The following CEP126 variants were observed in gnomAD, a reference collection of about 807,000 sequenced individuals.
CEP126 encodes the protein centrosomal protein of 126 kDa.
A neutral mutation model predicts 107.8 loss-of-function variants in CEP126; 74 were observed. The ratio of observed to expected loss-of-function variants is 0.69; its 90% CI spans 0.57 to 0.83. The LOEUF (loss-of-function observed/expected upper bound fraction) is 0.83. CEP126 is among the 40% of genes least tolerant of loss of function. CEP126 has a pLI of 0.00. For synonymous variants in CEP126, 449 were observed against 446.0 expected (o/e 1.01, Z -0.08); for missense variants, 1,237 against 1,281.9 (o/e 0.96, Z 0.53).
At chr11:101,939,806 A>C (rs1940640341) in intron 2 of CEP126, among the ~76,000 whole-genome samples, 5 of 152,238 alleles carry the variant, frequency 3.3e-5, no homozygotes, top group Admixed American at 2.0e-4. Flanking sequence ...TCATTATTTA[A>C]CAAATTCCCC....
chr11:101,984,970 T>C (rs1286937270), intron 8 of CEP126, among the ~76,000 whole-genome samples: 2 of 152,272 alleles, frequency 1.3e-5, no homozygotes, highest in East Asian at 3.8e-4. Flanking sequence ...GTGATGTTAC[T>C]GTGGTGCTTA....
intron 1 of CEP126, among the ~76,000 whole-genome samples, chr11:101,916,838 A>G (rs1421499443): frequency 1.3e-5 from 2 of 152,206 alleles, no homozygotes; most frequent in Non-Finnish European, 2.9e-5. Flanking sequence ...GAAAATATTC[A>G]TAAATAGAAT....
intron 2 of CEP126, among the ~76,000 whole-genome samples, chr11:101,932,978 T>A (rs188940140): frequency 6.6e-6 from 1 of 152,202 alleles, no homozygotes; most frequent in Admixed American, 6.5e-5. Context: ...GAAGTTGACA[T>A]ATGGTCAAAC....
intron 1 of CEP126, among the ~76,000 whole-genome samples, chr11:101,919,447 T>A (rs1384178806): frequency 6.6e-6 from 1 of 152,176 alleles, no homozygotes; most frequent in Non-Finnish European, 1.5e-5. Flanking sequence ...GTTTTGTTTT[T>A]TTAATGTTAA....
chr11:101,958,280 A>C lies in CEP126; in HGVS notation c.619A>C (p.Thr207Pro). ...EKEMNENMRA[T>P]LATSKNVFQL... ...AGAAATGAATGAAAACATGAGGGCA[A>C]CCTTGGCTACTAGCAAAAATGTGTT... Residue 207 changes from threonine to proline, a missense_variant, in exon 5 of 11, where the codon ACC becomes CCC. By Grantham distance (38) the Thr-to-Pro change is conservative. Around this residue, in one of 3 missense-constraint regions of CEP126, gnomAD observed 1,134 missense variants for 1,150.5 expected, o/e 0.99. Transcript: ENST00000263468. The C allele has an allele frequency of 6.2e-7, 1 of 1,614,062 alleles. No homozygotes were observed. The highest frequency in any genetic ancestry group is 8.5e-7 in the Non-Finnish European group (1 of 1,179,948).
intron 6 of CEP126, among the ~76,000 whole-genome samples, chr11:101,977,286 G>T (rs1393765501): frequency 6.6e-6 from 1 of 152,014 alleles, no homozygotes; most frequent in Non-Finnish European, 1.5e-5. Context: ...TGCATTATTA[G>T]TATTATTTTG....
At chr11:101,955,010 A>G (rs186628134) in intron 4 of CEP126, among the ~76,000 whole-genome samples, 6 of 152,326 alleles carry the variant, frequency 3.9e-5, no homozygotes, top group African/African-American at 1.2e-4. Context: ...AAGCAGAGGT[A>G]TATCAGTAAG....
intron 2 of CEP126, among the ~76,000 whole-genome samples, chr11:101,927,591 A>T (rs1940432215): frequency 6.6e-6 from 1 of 152,134 alleles, no homozygotes; most frequent in African/African-American, 2.4e-5. Context: ...GGAAATCACT[A>T]ATATGATGTT....
At chr11:101,984,013 ACTGTT>A (rs1941288118) in intron 8 of CEP126, among the ~76,000 whole-genome samples, 1 of 152,204 alleles carries the variant, frequency 6.6e-6, no homozygotes, top group Non-Finnish European at 1.5e-5. Flanking sequence ...TTCTTTGACA[ACTGTT>A]CTTTTCATCC....
intron 6 of CEP126, among the ~76,000 whole-genome samples, chr11:101,965,015 G>C (rs1941042662): frequency 6.6e-6 from 1 of 152,034 alleles, no homozygotes; most frequent in Non-Finnish European, 1.5e-5. Flanking sequence ...TGGTAGCTCT[G>C]CTTTTATCTG....
chr11:101,961,541 A>G (rs1391906697), intron 5 of CEP126, among the ~76,000 whole-genome samples, 200 bp from the exon 6 acceptor site: 1 of 152,010 alleles, frequency 6.6e-6, no homozygotes, highest in African/African-American at 2.4e-5. Flanking sequence ...AGCATACTAT[A>G]CTATAAGTCT....
chr11:101,958,391 A>C (rs745319634), intron 5 of CEP126, 25 bp downstream of exon 5: 13 of 1,591,588 alleles, frequency 8.2e-6, no homozygotes, highest in Non-Finnish European at 8.6e-6. Flanking sequence ...AAATGTTGTT[A>C]ATATTTTAAT....
chr11:101,992,511 T>A (rs1220676000), intron 9 of CEP126, among the ~76,000 whole-genome samples: 1 of 152,114 alleles, frequency 6.6e-6, no homozygotes, highest in Non-Finnish European at 1.5e-5. Flanking sequence ...AACGTAATAT[T>A]TGAATGAAGA....
chr11:101,992,922 C>A, intron 10 of CEP126, 80 bp downstream of exon 10: 1 of 1,251,470 alleles, frequency 8.0e-7, no homozygotes, highest in East Asian at 3.1e-5. Context: ...GGTAAGAACC[C>A]CGTATTAATA....
chr11:101,989,040 A>G (rs1234980302), intron 9 of CEP126, among the ~76,000 whole-genome samples: 2 of 152,130 alleles, frequency 1.3e-5, no homozygotes, highest in African/African-American at 4.8e-5. Flanking sequence ...TAAACGTACA[A>G]CCTTTATAAA....
chr11:101,917,603 T>A (rs1162964059), intron 1 of CEP126, among the ~76,000 whole-genome samples: 11 of 137,992 alleles, frequency 8.0e-5, no homozygotes, highest in Admixed American at 1.4e-4. Context: ...AAATGGAATT[T>A]AAAAAAAAAA....
intron 2 of CEP126, among the ~76,000 whole-genome samples, chr11:101,943,192 A>T (rs1447221249): frequency 6.6e-6 from 1 of 151,412 alleles, no homozygotes; most frequent in Admixed American, 6.6e-5. Flanking sequence ...CTTGAAGGAG[A>T]TTGTTTTGGG....
chr11:101,967,013 A>G (rs1391902536), intron 6 of CEP126, among the ~76,000 whole-genome samples: 2 of 138,426 alleles, frequency 1.4e-5, no homozygotes, highest in African/African-American at 5.5e-5. Flanking sequence ...CCAATTCATC[A>G]TCTCTTTCTT....
rs755682599 is a variant in CEP126, at chr11:101,998,592, C to CTAAAAAAAAA, written c.*949_*950insTAAAAAAAAA. On this transcript the variant is annotated 3_prime_UTR_variant, in exon 11 of 11. Coordinates refer to ENST00000263468, the MANE Select transcript of CEP126 (RefSeq NM_020802.4). ...TGGGTGACAGTGTGAGACCCAGCCT[C>CTAAAAAAAAA]AAAAAAAAAAAAAAAAAAGTGATGA... 1 of 57,452 alleles carries CTAAAAAAAAA rather than the reference C, an allele frequency of 1.7e-5. No homozygotes were observed. The highest frequency in any genetic ancestry group is 2.8e-5 in the Non-Finnish European group (1 of 35,588). The allele number at this position is 57,452 out of a possible 1,614,324, so 3.6% of individuals were successfully genotyped here. A position where few individuals can be genotyped will look rare whatever the true frequency, so the allele number is the denominator to read the frequency against.
Sources: allele counts gnomAD v4.1 joint callset (sites outside exome capture counted in the v4.1 genomes callset), GRCh38; gene constraint gnomAD v4.1.1; regional missense constraint gnomAD v4.1.1; transcripts MANE v1.5; gene names NCBI Gene and HGNC (gene_info 2026-07-23, HGNC 2026-07-21).